Variants in HS3ST5 observed in about 807,000 individuals in gnomAD.
HS3ST5 encodes the protein heparan sulfate glucosamine 3-O-sulfotransferase 5.
A neutral mutation model predicts 25.4 loss-of-function variants in HS3ST5; 10 were observed. The ratio of observed to expected loss-of-function variants is 0.39; its 90% CI spans 0.24 to 0.67. The LOEUF is 0.67. Ranked by LOEUF, HS3ST5 falls within the 30% of genes least tolerant of loss-of-function variation. The pLI is 0.44. For missense variants in HS3ST5, 324 were observed against 420.7 expected (o/e 0.77, Z 2.01); for synonymous variants, 170 against 162.4 (o/e 1.05, Z -0.36).
chr6:114,228,315 G>T (rs1771408741), intron 2 of HS3ST5, among the ~76,000 whole-genome samples: 1 of 152,116 alleles, frequency 6.6e-6, no homozygotes, highest in Non-Finnish European at 1.5e-5. Flanking sequence ...ACCACAGTAT[G>T]TTAATGCTTT....
At chr6:114,142,504 G>A (rs1777957483) in intron 3 of HS3ST5, among the ~76,000 whole-genome samples, 1 of 152,150 alleles carries the variant, frequency 6.6e-6, no homozygotes, top group Non-Finnish European at 1.5e-5. Context: ...CAGTTACTGC[G>A]AGGGTGGGTG....
At chr6:114,333,870 T>C (rs1776504105) in intron 1 of HS3ST5, among the ~76,000 whole-genome samples, 1 of 152,108 alleles carries the variant, frequency 6.6e-6, no homozygotes, top group Non-Finnish European at 1.5e-5. Context: ...ACACATCTAG[T>C]CTAGATTTGG....
At position 114,120,178 on chromosome 6, in the gene HS3ST5, C is replaced by CA. The variant is rs74607287; in HGVS notation, c.-33+48172dup. ...CAAAACAAAACAAAACAAAAAACAA[C>CA]AAAAAAAACCCCAAATAAACAATGA... On this transcript the variant is annotated intron_variant, in intron 3 of 4. Coordinates refer to ENST00000312719, the MANE Select transcript of HS3ST5 (RefSeq NM_153612.4). Among the ~76,000 whole-genome samples, 82 of 151,508 alleles carry CA rather than the reference C, an allele frequency of 5.4e-4. 5 individuals carry two copies. Among genetic ancestry groups the CA allele is most frequent in the African/African-American group, 1.1e-3 (47 of 41,352 alleles).
At chr6:114,168,082 G>C (rs568084075) in intron 3 of HS3ST5, among the ~76,000 whole-genome samples, 1 of 152,138 alleles carries the variant, frequency 6.6e-6, no homozygotes, top group Non-Finnish European at 1.5e-5. Flanking sequence ...ACACGCAAAA[G>C]AAAATCAATA....
intron 3 of HS3ST5, among the ~76,000 whole-genome samples, chr6:114,129,009 ATTGT>A (rs140539733): frequency 0.058 from 8,804 of 152,274 alleles, 311 homozygotes; most frequent in Non-Finnish European, 0.08. Flanking sequence ...AAGTTTCTGG[ATTGT>A]TTATTTGTCC....
At chr6:114,326,667 G>A (rs892729452) in intron 1 of HS3ST5, among the ~76,000 whole-genome samples, 4 of 152,000 alleles carry the variant, frequency 2.6e-5, no homozygotes, top group Non-Finnish European at 5.9e-5. Flanking sequence ...TTTAGTCAAT[G>A]CCCTTGAAGT....
At chr6:114,156,129 T>C (rs1187469157) in intron 3 of HS3ST5, among the ~76,000 whole-genome samples, 5 of 152,228 alleles carry the variant, frequency 3.3e-5, no homozygotes, top group Non-Finnish European at 7.3e-5. Flanking sequence ...TCTCTGAGTT[T>C]GACTCTGTAC....
At chr6:114,089,464 GTCCCTTTCATACA>G (rs1435808962) in intron 3 of HS3ST5, among the ~76,000 whole-genome samples, 3 of 152,018 alleles carry the variant, frequency 2.0e-5, no homozygotes, top group Non-Finnish European at 2.9e-5. Context: ...TCGTGTCCTG[GTCCCTTTCATACA>G]TTTATTTGTT....
chr6:114,110,557 G>A (rs1484323043), intron 3 of HS3ST5, among the ~76,000 whole-genome samples: 1 of 152,168 alleles, frequency 6.6e-6, no homozygotes, highest in Non-Finnish European at 1.5e-5. Context: ...TGGAATGGTG[G>A]TACTAAACCC....
chr6:114,225,758 C>T (rs1037809346), intron 2 of HS3ST5, among the ~76,000 whole-genome samples: 4 of 151,890 alleles, frequency 2.6e-5, no homozygotes, highest in Non-Finnish European at 5.9e-5. Flanking sequence ...AGGGAACTTT[C>T]AGTGGGTTTG....
chr6:114,210,382 A>G (rs1781459854), intron 2 of HS3ST5, among the ~76,000 whole-genome samples: 1 of 152,200 alleles, frequency 6.6e-6, no homozygotes, highest in East Asian at 1.9e-4. Flanking sequence ...TATTTTAGCT[A>G]TTGTAGCAGC....
At chr6:114,140,310 T>A (rs1235008883) in intron 3 of HS3ST5, among the ~76,000 whole-genome samples, 2 of 152,246 alleles carry the variant, frequency 1.3e-5, no homozygotes, top group Non-Finnish European at 2.9e-5. Flanking sequence ...TGAAAAGTGA[T>A]ACTGGCTTGC....
intron 1 of HS3ST5, among the ~76,000 whole-genome samples, chr6:114,288,617 T>C (rs1287035930): frequency 1.3e-5 from 2 of 152,152 alleles, no homozygotes; most frequent in South Asian, 2.1e-4. Context: ...CATGTAGATA[T>C]AGATGTATGA....
chr6:114,186,264 A>G (rs1780212503), intron 2 of HS3ST5, among the ~76,000 whole-genome samples: 1 of 152,192 alleles, frequency 6.6e-6, no homozygotes, highest in African/African-American at 2.4e-5. Flanking sequence ...AGAGAGGTCA[A>G]CAACTAGGCC....
chr6:114,076,099 G>T (rs1774113967), intron 3 of HS3ST5, among the ~76,000 whole-genome samples: 1 of 152,192 alleles, frequency 6.6e-6, no homozygotes. Context: ...TATCAAACAG[G>T]TAAGAAAAGG....
chr6:114,296,918 T>C (rs1774848829), intron 1 of HS3ST5, among the ~76,000 whole-genome samples: 1 of 152,152 alleles, frequency 6.6e-6, no homozygotes, highest in Admixed American at 6.5e-5. Flanking sequence ...CTTCAGGAGC[T>C]TGGAGGATAA....
chr6:114,225,072 G>T (rs571283921), intron 2 of HS3ST5, among the ~76,000 whole-genome samples: 1 of 151,780 alleles, frequency 6.6e-6, no homozygotes, highest in Admixed American at 6.6e-5. Context: ...AAAACCTTTG[G>T]TACCATAAGG....
At chr6:114,235,057 A>G (rs1771789730) in intron 1 of HS3ST5, among the ~76,000 whole-genome samples, 1 of 152,174 alleles carries the variant, frequency 6.6e-6, no homozygotes, top group Non-Finnish European at 1.5e-5. Context: ...TGGGAGACGG[A>G]GGTTGCAGTG....
intron 3 of HS3ST5, among the ~76,000 whole-genome samples, chr6:114,082,956 C>T (rs933037797): frequency 1.3e-5 from 2 of 152,228 alleles, no homozygotes; most frequent in Admixed American, 6.5e-5. Context: ...CCTTCCCCTC[C>T]CTTGTCCAAG....
Sources: gnomAD v4.1 joint callset for allele counts (sites outside exome capture counted in the v4.1 genomes callset) on GRCh38, gnomAD v4.1.1 for gene constraint, MANE v1.5 for transcripts, NCBI Gene and HGNC (gene_info 2026-07-23, HGNC 2026-07-21) for gene names.